LRMDA: variants seen among roughly 807,000 people sequenced by gnomAD.
LRMDA encodes the protein leucine rich melanocyte differentiation associated.
Under a neutral mutation model 29.8 loss-of-function variants are expected in LRMDA, and 18 were observed. The observed-to-expected ratio is 0.60, with a 90% confidence interval of 0.42 to 0.90. LRMDA has a LOEUF of 0.90. LRMDA is among the 40% of genes least tolerant of loss of function. The pLI is 0.00. For missense variants in LRMDA, 273 were observed against 273.9 expected (o/e 1.00, Z 0.02); for synonymous variants, 125 against 109.4 (o/e 1.14, Z -0.89).
At chr10:75,789,727 G>T (rs1308590975) in intron 2 of LRMDA, among the ~76,000 whole-genome samples, 1 of 152,090 alleles carries the variant, frequency 6.6e-6, no homozygotes, top group Non-Finnish European at 1.5e-5. Flanking sequence ...CAGATGTGTA[G>T]TTATTTATCA....
intron 5 of LRMDA, among the ~76,000 whole-genome samples, chr10:76,163,182 G>A (rs180691661): frequency 7.2e-5 from 11 of 152,268 alleles, no homozygotes; most frequent in Admixed American, 5.2e-4. Flanking sequence ...TTCTCTGTGT[G>A]ACCCACTTGG....
chr10:76,548,679 G>A (rs1843451731), intron 6 of LRMDA, among the ~76,000 whole-genome samples: 1 of 152,102 alleles, frequency 6.6e-6, no homozygotes, highest in African/African-American at 2.4e-5. Flanking sequence ...GGGCTAGTGA[G>A]CCCACCCTCC....
At chr10:76,482,942 T>G (rs995826478) in intron 6 of LRMDA, among the ~76,000 whole-genome samples, 1 of 151,982 alleles carries the variant, frequency 6.6e-6, no homozygotes, top group Admixed American at 6.6e-5. Context: ...TATGAAGTGG[T>G]AGCTCATCAT....
In LRMDA at chr10:76,287,018, GA is replaced by G. The variant is rs1393912779; in HGVS notation, c.517-37382del. Among the ~76,000 whole-genome samples the G allele has an allele frequency of 1.5e-4, 23 of 152,196 alleles. No homozygotes were observed. The East Asian group carries it at 4.1e-3, about 27-fold the overall frequency. ...ATTATGTCCTCTATTATTAATGGCAGAGACAATGATATAATTATTTATGCTG... is the reference window on the plus strand; with the variant it reads ...ATTATGTCCTCTATTATTAATGGCAGGACAATGATATAATTATTTATGCTG... On this transcript the variant is annotated intron_variant, in intron 5 of 6. Transcript: ENST00000611255.
chr10:76,303,491 A>G (rs1165995822), intron 5 of LRMDA, among the ~76,000 whole-genome samples: 1 of 152,122 alleles, frequency 6.6e-6, no homozygotes, highest in Non-Finnish European at 1.5e-5. Context: ...GCTGGGCACT[A>G]TCTGTGAAAC....
At chr10:75,606,515 T>C (rs1045200128) in intron 2 of LRMDA, among the ~76,000 whole-genome samples, 1 of 152,220 alleles carries the variant, frequency 6.6e-6, no homozygotes, top group Non-Finnish European at 1.5e-5. Context: ...ATGGGCTCTA[T>C]TGGTGCCCTT....
intron 2 of LRMDA, among the ~76,000 whole-genome samples, chr10:75,786,559 CTTTCTGATTTT>C (rs1407254417): frequency 6.6e-6 from 1 of 151,908 alleles, no homozygotes; most frequent in East Asian, 1.9e-4. Context: ...GGAATATATT[CTTTCTGATTTT>C]TTTCTGATTC....
chr10:75,974,672 A>C (rs1454469884), intron 2 of LRMDA, among the ~76,000 whole-genome samples: 3 of 152,058 alleles, frequency 2.0e-5, no homozygotes, highest in Non-Finnish European at 4.4e-5. Flanking sequence ...GAGTTGTAGA[A>C]AGGTTAAGTT....
chr10:75,861,049 A>G (rs1844920959), intron 2 of LRMDA, among the ~76,000 whole-genome samples: 1 of 152,248 alleles, frequency 6.6e-6, no homozygotes, highest in Non-Finnish European at 1.5e-5. Flanking sequence ...ACTATATACT[A>G]ATGTGTACAA....
chr10:75,750,788 C>T (rs1233089679), intron 2 of LRMDA, among the ~76,000 whole-genome samples: 1 of 151,400 alleles, frequency 6.6e-6, no homozygotes, highest in Non-Finnish European at 1.5e-5. Flanking sequence ...CCTCACTTCC[C>T]AGACAGGGTG....
chr10:75,471,956 A>G (rs1844732361), intron 2 of LRMDA, among the ~76,000 whole-genome samples: 1 of 151,984 alleles, frequency 6.6e-6, no homozygotes, highest in East Asian at 1.9e-4. Flanking sequence ...TTCAAGACAT[A>G]CTTCTTTGCT....
chr10:75,663,325 A>C (rs534553668), intron 2 of LRMDA, among the ~76,000 whole-genome samples: 1 of 152,088 alleles, frequency 6.6e-6, no homozygotes, highest in Non-Finnish European at 1.5e-5. Flanking sequence ...AGACTTTCCT[A>C]TAGGAAGTAT....
intron 2 of LRMDA, among the ~76,000 whole-genome samples, chr10:75,512,598 G>C (rs1430560480): frequency 6.6e-6 from 1 of 152,200 alleles, no homozygotes; most frequent in African/African-American, 2.4e-5. Context: ...CTGCGAGTGA[G>C]TCGTGATGGT....
chr10:76,265,001 C>G (rs1839989170), intron 5 of LRMDA, among the ~76,000 whole-genome samples: 1 of 152,192 alleles, frequency 6.6e-6, no homozygotes, highest in Non-Finnish European at 1.5e-5. Flanking sequence ...CAATTTTAAA[C>G]ATTCCAACCA....
chr10:75,980,872 A>G (rs532793007), intron 2 of LRMDA, among the ~76,000 whole-genome samples: 2 of 152,212 alleles, frequency 1.3e-5, no homozygotes, highest in Non-Finnish European at 2.9e-5. Flanking sequence ...CTTAGCAACC[A>G]GAATGAAACT....
intron 5 of LRMDA, among the ~76,000 whole-genome samples, chr10:76,157,980 CA>C (rs34568392): frequency 0.36 from 54,928 of 151,324 alleles, 11,151 homozygotes; most frequent in East Asian, 0.56. Flanking sequence ...TGTATCTAAA[CA>C]AAAAAAAAGT....
At chr10:76,506,975 C>G (rs1248540311) in intron 6 of LRMDA, among the ~76,000 whole-genome samples, 1 of 151,870 alleles carries the variant, frequency 6.6e-6, no homozygotes, top group Non-Finnish European at 1.5e-5. Context: ...GGACATATAC[C>G]CAGCAGTGGG....
chr10:76,532,087 T>A lies in LRMDA; in HGVS notation c.602-25122T>A, dbSNP rs112294143. On this transcript the variant is annotated intron_variant, in intron 6 of 6. Transcript: ENST00000611255. ...ACATGTGCAGAACATGGAGGTTTGTTACATAGGTATACGCGTGCCATGGTG... is the reference window on the plus strand; with the variant it reads ...ACATGTGCAGAACATGGAGGTTTGTAACATAGGTATACGCGTGCCATGGTG... 3.1e-3 allele frequency among the ~76,000 whole-genome samples: 471 copies of A among 152,276 alleles called. 5 individuals are homozygous for A. The highest frequency in any genetic ancestry group is 0.011 in the African/African-American group (450 of 41,538).
chr10:75,982,717 A>T (rs1847194114), intron 2 of LRMDA, among the ~76,000 whole-genome samples: 1 of 152,196 alleles, frequency 6.6e-6, no homozygotes, highest in Non-Finnish European at 1.5e-5. Context: ...AGGCATCCAA[A>T]ACACCTGAGA....
Sources: gnomAD v4.1 joint callset for allele counts (sites outside exome capture counted in the v4.1 genomes callset) on GRCh38, gnomAD v4.1.1 for gene constraint, MANE v1.5 for transcripts, NCBI Gene and HGNC (gene_info 2026-07-23, HGNC 2026-07-21) for gene names.